The following PRMT8 variants were observed in gnomAD, a reference collection of about 807,000 sequenced individuals.
The protein encoded by PRMT8 is protein arginine N-methyltransferase 8.
A neutral mutation model predicts 47.1 loss-of-function variants in PRMT8; 7 were observed. The observed-to-expected ratio is 0.15, with a 90% CI of 0.08 to 0.28. The LOEUF is 0.28. Among genes scored for constraint, PRMT8 ranks in the 10% least tolerant of loss-of-function variants. The probability of loss-of-function intolerance (pLI) is 1.00; values close to 1 mark genes in which losing one functional copy is unlikely to be tolerated. For synonymous variants in PRMT8, 188 were observed against 186.5 expected, an observed-to-expected ratio of 1.01 and a Z score of -0.07; for missense variants, 237 against 505.4, an observed-to-expected ratio of 0.47 and a Z score of 5.09.
chr12:3,504,491 G>T (rs1415902405), intron 1 of PRMT8, among the ~76,000 whole-genome samples: 1 of 118,684 alleles, frequency 8.4e-6, no homozygotes, highest in Non-Finnish European at 2.1e-5. Context: ...CCTGGTGGGG[G>T]GTGCCTCCCA....
chr12:3,494,163 C>G (rs1865468980), intron 1 of PRMT8, among the ~76,000 whole-genome samples: 1 of 152,092 alleles, frequency 6.6e-6, no homozygotes, highest in Non-Finnish European at 1.5e-5. Flanking sequence ...GTTCTGAATT[C>G]CACACCTCTT....
In PRMT8 at chr12:3,535,704, G is replaced by T. The variant is rs908806559; in HGVS notation, c.76-4902G>T. Among the ~76,000 whole-genome samples the T allele has an allele frequency of 1.1e-4, 16 of 152,320 alleles. 1 individual carries two copies. The highest frequency in any genetic ancestry group is 5.8e-4 in the East Asian group (3 of 5,176). On this transcript the variant is annotated intron_variant, in intron 1 of 9. Coordinates refer to ENST00000382622, the MANE Select transcript of PRMT8 (RefSeq NM_019854.5). The surrounding 1 kb of genome is among the most constrained non-coding windows in gnomAD (Gnocchi z 4.7). ...ACAGGAACCCTGGAAGGGACTGGGG[G>T]CACTGGAATGTCCAGTGGGGAGGGA...
chr12:3,530,598 T>C (rs1005497733), intron 1 of PRMT8, among the ~76,000 whole-genome samples: 5 of 152,044 alleles, frequency 3.3e-5, no homozygotes, highest in African/African-American at 1.2e-4. Flanking sequence ...CCTAAAGATA[T>C]CAATCCCATA....
At chr12:3,532,930 G>A (rs1866056191) in intron 1 of PRMT8, among the ~76,000 whole-genome samples, 1 of 152,136 alleles carries the variant, frequency 6.6e-6, no homozygotes, top group Non-Finnish European at 1.5e-5. Flanking sequence ...GCAAGCCCTG[G>A]CTCAGCCGAG....
At chr12:3,517,872 A>G (rs1413022712) in intron 1 of PRMT8, among the ~76,000 whole-genome samples, 1 of 152,148 alleles carries the variant, frequency 6.6e-6, no homozygotes, top group Non-Finnish European at 1.5e-5. Flanking sequence ...TGGCCTAAAG[A>G]GCCTATTTGT....
chr12:3,548,208 A>G (rs1214213721), intron 2 of PRMT8, among the ~76,000 whole-genome samples: 1 of 152,230 alleles, frequency 6.6e-6, no homozygotes, highest in African/African-American at 2.4e-5. Flanking sequence ...TTAATTTGAC[A>G]TGTAAAAGCC....
rs549991163 is a variant in PRMT8, at chr12:3,492,507, C to G, written c.75+807C>G. Reference sequence around the variant, plus strand: ...CGCAAGGGCTTTTGAGGAGGTCGCTCTAGCTCCGCAAATTGTGTTCTCGGC... The same window carrying G: ...CGCAAGGGCTTTTGAGGAGGTCGCTGTAGCTCCGCAAATTGTGTTCTCGGC... On this transcript the variant is annotated intron_variant, in intron 1 of 9. Coordinates refer to ENST00000382622, the MANE Select transcript of PRMT8 (RefSeq NM_019854.5). The surrounding 1 kb of genome is among the most constrained non-coding windows in gnomAD (Gnocchi z 7.5). Among the ~76,000 whole-genome samples, 3 of 152,354 alleles carry G rather than the reference C, an allele frequency of 2.0e-5. No homozygotes were observed. The highest frequency in any genetic ancestry group is 4.1e-4 in the South Asian group (2 of 4,828).
intron 1 of PRMT8, among the ~76,000 whole-genome samples, chr12:3,509,433 G>A (rs912765000): frequency 6.6e-6 from 1 of 152,194 alleles, no homozygotes; most frequent in African/African-American, 2.4e-5. Context: ...AGTTCCTGCT[G>A]TCTCAGCGCA....
At chr12:3,560,392 C>G (rs945795422) in intron 4 of PRMT8, among the ~76,000 whole-genome samples, 1 of 152,192 alleles carries the variant, frequency 6.6e-6, no homozygotes, top group East Asian at 1.9e-4. Flanking sequence ...GACACACACC[C>G]ACAGGAAGCC....
chr12:3,459,470 T>C (rs1353797456), intron 1 of PRMT8, among the ~76,000 whole-genome samples: 2 of 152,226 alleles, frequency 1.3e-5, no homozygotes, highest in African/African-American at 2.4e-5. Flanking sequence ...AAATCCAGTG[T>C]GCCCTCCTGA....
At chr12:3,464,284 A>G (rs1812015793) in intron 1 of PRMT8, among the ~76,000 whole-genome samples, 1 of 137,248 alleles carries the variant, frequency 7.3e-6, no homozygotes, top group Non-Finnish European at 1.6e-5. Flanking sequence ...AAAAAAAAAC[A>G]AACTGCACAC....
chr12:3,523,664 C>T (rs374464535), intron 1 of PRMT8, among the ~76,000 whole-genome samples: 4 of 152,186 alleles, frequency 2.6e-5, no homozygotes, highest in African/African-American at 7.2e-5. Flanking sequence ...GTCTGCTGGG[C>T]GGCCTCAGGC....
chr12:3,469,037 G>T (rs887078763), intron 1 of PRMT8: 3 of 427,376 alleles, frequency 7.0e-6, no homozygotes, highest in Admixed American at 5.0e-5. Flanking sequence ...TGCACAATGC[G>T]TGCCTGACAA....
intron 1 of PRMT8, among the ~76,000 whole-genome samples, chr12:3,473,093 A>G (rs1053577175): frequency 4.6e-5 from 7 of 152,096 alleles, no homozygotes; most frequent in Non-Finnish European, 8.8e-5. Context: ...CTTTGTCCCT[A>G]TGAAACTGTG....
In PRMT8 at chr12:3,493,371, T is replaced by G. The variant is rs543942981; in HGVS notation, c.75+1671T>G. On this transcript the variant is annotated intron_variant, in intron 1 of 9. Transcript: ENST00000382622. The surrounding 1 kb of genome is among the most constrained non-coding windows in gnomAD (Gnocchi z 8.2). The stretch of plus-strand genomic sequence containing the variant: ...GGGTTTCTAAAAATAGCCCAGGGCT[T>G]CAAGGCCGCGCTTCTGTGAAGTGTG... Among the ~76,000 whole-genome samples, 1 of 152,322 alleles carries G rather than the reference T, an allele frequency of 6.6e-6. No homozygotes were observed. The highest frequency in any genetic ancestry group is 2.4e-5 in the African/African-American group (1 of 41,570).
chr12:3,388,197 C>T (rs189970834), intron 1 of PRMT8, among the ~76,000 whole-genome samples: 7 of 152,110 alleles, frequency 4.6e-5, no homozygotes, highest in Non-Finnish European at 8.8e-5. Context: ...CCCTCAACCC[C>T]GTTTCATGAC....
chr12:3,386,812 C>T (rs1236563708), intron 1 of PRMT8, among the ~76,000 whole-genome samples: 2 of 151,810 alleles, frequency 1.3e-5, no homozygotes, highest in South Asian at 2.1e-4. Context: ...CGGGTTCAAA[C>T]GATTCTCCTG....
At chr12:3,397,497 G>T (rs965098604) in intron 1 of PRMT8, among the ~76,000 whole-genome samples, 5 of 150,834 alleles carry the variant, frequency 3.3e-5, no homozygotes, top group Non-Finnish European at 5.9e-5. Flanking sequence ...GCCCCTGCTG[G>T]GGGGTGCCTC....
intron 1 of PRMT8, among the ~76,000 whole-genome samples, chr12:3,434,986 T>TTC (rs997445137): frequency 6.8e-5 from 10 of 146,536 alleles, no homozygotes; most frequent in African/African-American, 2.1e-4. Flanking sequence ...TTTTTTTTTT[T>TTC]CAGAAGGAGT....
Sources: gnomAD v4.1 joint callset for allele counts (sites outside exome capture counted in the v4.1 genomes callset) on GRCh38, gnomAD v4.1.1 for gene constraint, Gnocchi (gnomAD v3.1) non-coding constraint, MANE v1.5 for transcripts, NCBI Gene and HGNC (gene_info 2026-07-23, HGNC 2026-07-21) for gene names.